SYT14: variants seen among roughly 807,000 people sequenced by gnomAD.
SYT14 encodes synaptotagmin 14.
Under a neutral mutation model 74.2 loss-of-function variants are expected in SYT14, and 32 were observed. The observed-to-expected ratio is 0.43, with a 90% CI of 0.33 to 0.58. The LOEUF is 0.58. Among genes scored for constraint, SYT14 ranks in the 20% least tolerant of loss-of-function variants. The pLI is 0.05. For missense variants in SYT14, 791 were observed against 981.8 expected (o/e 0.81, Z 2.60); for synonymous variants, 298 against 337.7 (o/e 0.88, Z 1.29).
chr1:210,141,046 CAAA>C (rs36006017), intron 7 of SYT14, among the ~76,000 whole-genome samples: 35 of 97,104 alleles, frequency 3.6e-4, no homozygotes, highest in African/African-American at 6.2e-4. Context: ...TTTGTTTCTG[CAAA>C]AAAAAAAAAA....
chr1:209,960,284 GT>G (rs1474066751), intron 2 of SYT14, among the ~76,000 whole-genome samples: 5 of 152,110 alleles, frequency 3.3e-5, no homozygotes, highest in African/African-American at 1.2e-4. Context: ...ATGGCAGTCT[GT>G]TTTTGGAAAT....
chr1:210,045,434 A>G (rs1306657394), intron 5 of SYT14, among the ~76,000 whole-genome samples: 3 of 152,196 alleles, frequency 2.0e-5, no homozygotes, highest in Non-Finnish European at 2.9e-5. Flanking sequence ...AGTACACTTT[A>G]ATGGAGGACA....
intron 7 of SYT14, among the ~76,000 whole-genome samples, chr1:210,131,494 T>G (rs924818934): frequency 6.6e-6 from 1 of 151,910 alleles, no homozygotes; most frequent in Admixed American, 6.6e-5. Context: ...ATGCCACTTT[T>G]TCGTAGAGGC....
chr1:210,147,347 A>G (rs1254757894), intron 7 of SYT14, among the ~76,000 whole-genome samples: 1 of 152,184 alleles, frequency 6.6e-6, no homozygotes, highest in Non-Finnish European at 1.5e-5. Flanking sequence ...ATGTGAGACT[A>G]GAGAAAATGA....
At chr1:209,953,025 A>C (rs779755744) in intron 2 of SYT14, 2 of 1,410,772 alleles carry the variant, frequency 1.4e-6, no homozygotes, top group Non-Finnish European at 1.9e-6. Context: ...GAGGCAAAGA[A>C]TGGAGGGTTT....
chr1:209,941,084 G>A (rs2078722728), intron 1 of SYT14, among the ~76,000 whole-genome samples: 1 of 152,104 alleles, frequency 6.6e-6, no homozygotes. Flanking sequence ...ACTCTTATTA[G>A]CTATGGCCCA....
chr1:210,025,835 A>G (rs2080399919), intron 5 of SYT14, among the ~76,000 whole-genome samples: 1 of 152,196 alleles, frequency 6.6e-6, no homozygotes, highest in South Asian at 2.1e-4. Flanking sequence ...TTTTTAACCC[A>G]AAGTCACACA....
At chr1:210,112,799 C>A (rs1201836843) in intron 7 of SYT14, among the ~76,000 whole-genome samples, 1 of 151,260 alleles carries the variant, frequency 6.6e-6, no homozygotes, top group Non-Finnish European at 1.5e-5. Flanking sequence ...GCCTATATAA[C>A]AGCATGGTGG....
intron 2 of SYT14, among the ~76,000 whole-genome samples, chr1:210,001,216 C>T (rs902112851): frequency 6.6e-6 from 1 of 151,872 alleles, no homozygotes; most frequent in Non-Finnish European, 1.5e-5. Flanking sequence ...TTTCCTTTAT[C>T]AGGCTAAGTA....
exon 10 of SYT14, chr1:210,161,898 A>G (rs766325185): frequency 4.0e-5 from 18 of 451,592 alleles, no homozygotes; most frequent in South Asian, 1.6e-4. Flanking sequence ...TGACTCTTCA[A>G]AATTGCAGTA....
At chr1:210,054,601 CTG>C (rs1158528254) in intron 5 of SYT14, among the ~76,000 whole-genome samples, 5 of 152,096 alleles carry the variant, frequency 3.3e-5, no homozygotes, top group African/African-American at 7.2e-5. Flanking sequence ...AGATTAGAAA[CTG>C]TGTGCCTGGA....
At chr1:210,057,543 G>A (rs576893757) in intron 5 of SYT14, among the ~76,000 whole-genome samples, 38 of 152,186 alleles carry the variant, frequency 2.5e-4, no homozygotes, top group South Asian at 4.1e-4. Context: ...TGAGTTCCCC[G>A]TATCTCACAT....
intron 7 of SYT14, among the ~76,000 whole-genome samples, chr1:210,136,046 A>G (rs1050288299): frequency 1.1e-4 from 16 of 152,190 alleles, no homozygotes; most frequent in African/African-American, 3.1e-4. Context: ...GCATATTTAA[A>G]TATGGCTGAG....
exon 10 of SYT14, chr1:210,163,254 T>G (rs911293752): frequency 2.2e-6 from 1 of 453,670 alleles, no homozygotes; most frequent in African/African-American, 2.0e-5. Context: ...TGTTATTTGT[T>G]AAATCTACCT....
chr1:210,107,740 A>C (rs978776444), intron 7 of SYT14, among the ~76,000 whole-genome samples: 1 of 152,178 alleles, frequency 6.6e-6, no homozygotes, highest in Admixed American at 6.5e-5. Context: ...TGGATTTTTA[A>C]ATAAAATAGC....
chr1:210,153,072 A>T (rs1430421295), intron 7 of SYT14, among the ~76,000 whole-genome samples: 1 of 152,120 alleles, frequency 6.6e-6, no homozygotes, highest in East Asian at 1.9e-4. Context: ...TGCTATGGAC[A>T]TTCTTTCATA....
At chr1:210,144,068 C>T (rs2082979329) in intron 7 of SYT14, among the ~76,000 whole-genome samples, 1 of 152,108 alleles carries the variant, frequency 6.6e-6, no homozygotes, top group Admixed American at 6.5e-5. Context: ...TGTCTTACTC[C>T]AAAGCACAGG....
rs550760050 is a variant in SYT14, at chr1:210,119,717, C to T, written c.2034+19256C>T. Among the ~76,000 whole-genome samples the T allele has an allele frequency of 2.0e-5, 3 of 152,258 alleles. No homozygotes were observed. The South Asian group carries it at 6.2e-4, about 32-fold the overall frequency. ...AATGAACATGCTCCTGCAAGTACCA[C>T]GTGTTTGTATTCCCGGAGCTCCTGT... On this transcript the variant is annotated intron_variant, in intron 7 of 9. Coordinates refer to ENST00000637265, the Ensembl canonical transcript of SYT14.
intron 4 of SYT14, among the ~76,000 whole-genome samples, chr1:210,020,632 T>A (rs2080281368): frequency 6.6e-6 from 1 of 152,214 alleles, no homozygotes; most frequent in African/African-American, 2.4e-5. Context: ...AGAGCTATAG[T>A]ACTGGCAATA....
Sources: gnomAD v4.1 joint callset for allele counts (sites outside exome capture counted in the v4.1 genomes callset) on GRCh38, gnomAD v4.1.1 for gene constraint, MANE v1.5 for transcripts, NCBI Gene and HGNC (gene_info 2026-07-23, HGNC 2026-07-21) for gene names.